The following CTNNA3 variants were observed in gnomAD, a reference collection of about 807,000 sequenced individuals.
CTNNA3 encodes catenin alpha 3.
CTNNA3 carries 76 observed loss-of-function variants against 95.7 expected under a neutral mutation model. The observed-to-expected ratio is 0.79, with a 90% confidence interval of 0.66 to 0.96. The LOEUF (loss-of-function observed/expected upper bound fraction) is 0.96, where lower values mean the gene tolerates loss of function less well. Ranked by LOEUF, CTNNA3 falls within the 40% of genes least tolerant of loss-of-function variation. CTNNA3 has a pLI of 0.00. For missense variants in CTNNA3, 1,191 were observed against 1,089.8 expected (o/e 1.09, Z -1.31); for synonymous variants, 431 against 374.4 (o/e 1.15, Z -1.74).
rs576729428 is a variant in CTNNA3, at chr10:66,791,414, C to A, written c.1048-15890G>T. On this transcript the variant is annotated intron_variant, in intron 7 of 17. Coordinates refer to ENST00000433211, the MANE Select transcript of CTNNA3 (RefSeq NM_013266.4). Reference sequence around the variant, plus strand: ...TCCACAGGGCTCTGGTCATACTGATCCCTCAATTTGGAATTATTTTCCCAT... The same window carrying A: ...TCCACAGGGCTCTGGTCATACTGATACCTCAATTTGGAATTATTTTCCCAT... 8.2e-4 allele frequency among the ~76,000 whole-genome samples: 125 copies of A among 152,272 alleles called. 2 individuals carry two copies. Among genetic ancestry groups the A allele is most frequent in the African/African-American group, 2.9e-3 (121 of 41,566 alleles).
intron 5 of CTNNA3, among the ~76,000 whole-genome samples, chr10:67,379,537 A>G (rs1444179531): frequency 6.6e-6 from 1 of 152,258 alleles, no homozygotes; most frequent in African/African-American, 2.4e-5. Context: ...TCATGCGAAT[A>G]TGAACATCAC....
intron 7 of CTNNA3, among the ~76,000 whole-genome samples, chr10:67,007,686 T>G (rs929512332): frequency 6.6e-6 from 1 of 151,982 alleles, no homozygotes; most frequent in African/African-American, 2.4e-5. Context: ...TTCCCACCAT[T>G]TTAAAATCCA....
At chr10:67,552,470 A>G (rs1841068167) in intron 3 of CTNNA3, among the ~76,000 whole-genome samples, 1 of 148,940 alleles carries the variant, frequency 6.7e-6, no homozygotes, top group Non-Finnish European at 1.5e-5. Context: ...CTCCACCAAG[A>G]TGTGTTTGTC....
intron 13 of CTNNA3, among the ~76,000 whole-genome samples, chr10:66,223,014 A>G (rs1353364474): frequency 6.6e-6 from 1 of 152,088 alleles, no homozygotes; most frequent in African/African-American, 2.4e-5. Context: ...TTGGGTTTCA[A>G]AGTTCACGTG....
chr10:67,508,785 A>G (rs568380178), intron 5 of CTNNA3, among the ~76,000 whole-genome samples: 3 of 152,332 alleles, frequency 2.0e-5, no homozygotes, highest in East Asian at 1.9e-4. Context: ...TTGAAAATCT[A>G]TAAGGAAGTC....
intron 10 of CTNNA3, among the ~76,000 whole-genome samples, chr10:66,547,487 C>T (rs1028999646): frequency 1.7e-4 from 25 of 151,014 alleles, no homozygotes; most frequent in African/African-American, 5.1e-4. Flanking sequence ...GGACTACAGG[C>T]GCCCGCCACC....
chr10:67,249,087 G>A (rs762099010), intron 5 of CTNNA3, among the ~76,000 whole-genome samples: 3 of 152,062 alleles, frequency 2.0e-5, no homozygotes, highest in Non-Finnish European at 2.9e-5. Context: ...AGAAAAGATA[G>A]ATAAATCACA....
At chr10:66,171,786 G>A (rs1355077384) in intron 13 of CTNNA3, among the ~76,000 whole-genome samples, 1 of 151,938 alleles carries the variant, frequency 6.6e-6, no homozygotes, top group Non-Finnish European at 1.5e-5. Context: ...ATGAAGAATG[G>A]CAGACCCTGG....
At chr10:66,784,832 T>C (rs1171667870) in intron 7 of CTNNA3, among the ~76,000 whole-genome samples, 2 of 152,140 alleles carry the variant, frequency 1.3e-5, no homozygotes, top group Non-Finnish European at 2.9e-5. Flanking sequence ...CCCATTCTCC[T>C]CCCTACTTTC....
chr10:66,013,027 A>G (rs1481358555), intron 15 of CTNNA3, among the ~76,000 whole-genome samples: 1 of 152,094 alleles, frequency 6.6e-6, no homozygotes, highest in East Asian at 1.9e-4. Context: ...CAGCCTCCCT[A>G]GTAGCTGGGA....
intron 7 of CTNNA3, among the ~76,000 whole-genome samples, chr10:66,860,099 T>C (rs1843854752): frequency 6.7e-6 from 1 of 148,448 alleles, no homozygotes; most frequent in Admixed American, 6.7e-5. Context: ...CATACCAGCA[T>C]GGCACATGTA....
At chr10:66,734,278 C>A (rs993460927) in intron 9 of CTNNA3, among the ~76,000 whole-genome samples, 1 of 151,870 alleles carries the variant, frequency 6.6e-6, no homozygotes, top group African/African-American at 2.4e-5. Flanking sequence ...CTAAACAACA[C>A]CTTTTAAGTT....
At chr10:66,805,704 CAG>C (rs1407588682) in intron 7 of CTNNA3, among the ~76,000 whole-genome samples, 1 of 151,848 alleles carries the variant, frequency 6.6e-6, no homozygotes, top group African/African-American at 2.4e-5. Flanking sequence ...AGATAACAGT[CAG>C]AAAGTACAAG....
chr10:67,540,446 C>A (rs1483174241), intron 3 of CTNNA3, among the ~76,000 whole-genome samples: 5 of 151,720 alleles, frequency 3.3e-5, no homozygotes, highest in Non-Finnish European at 5.9e-5. Context: ...AAATAATTTA[C>A]CACACTAAAG....
chr10:66,760,726 C>T (rs1333433295), intron 9 of CTNNA3, among the ~76,000 whole-genome samples: 1 of 152,112 alleles, frequency 6.6e-6, no homozygotes, highest in East Asian at 1.9e-4. Context: ...TGGAAAGGAA[C>T]TCACCGTGCA....
At chr10:66,142,326 G>C (rs966570454) in intron 13 of CTNNA3, among the ~76,000 whole-genome samples, 2 of 151,952 alleles carry the variant, frequency 1.3e-5, no homozygotes, top group African/African-American at 4.8e-5. Context: ...TTATTTAGTT[G>C]GGTCTATTTC....
In CTNNA3 at chr10:66,056,523, A is replaced by G. The variant is rs117174504; in HGVS notation, c.2159+12785T>C. ...TGCTGTCTTTTCATCTGGTTTTGGTATTAGGATAATACTAGCCTCATAGAA... is the reference window on the plus strand; with the variant it reads ...TGCTGTCTTTTCATCTGGTTTTGGTGTTAGGATAATACTAGCCTCATAGAA... On this transcript the variant is annotated intron_variant, in intron 15 of 17. Transcript: ENST00000433211. 8.1e-3 allele frequency among the ~76,000 whole-genome samples: 1,237 copies of G among 152,174 alleles called. 10 individuals carry two copies. The highest frequency in any genetic ancestry group is 0.013 in the Non-Finnish European group (899 of 67,988).
At chr10:66,525,413 G>A (rs1401152765) in intron 10 of CTNNA3, among the ~76,000 whole-genome samples, 2 of 152,096 alleles carry the variant, frequency 1.3e-5, no homozygotes, top group African/African-American at 2.4e-5. Flanking sequence ...GGTAGGTGTT[G>A]TCATCTCCAT....
rs1941997 is a variant in CTNNA3 at position 65,915,131 on chromosome 10, C to A, written c.*5199G>T. 3 of 152,076 alleles carry A rather than the reference C, an allele frequency of 2.0e-5. No individual in the cohort carries two copies. The highest frequency in any genetic ancestry group is 2.0e-4 in the Admixed American group (3 of 15,256). 9.4% of individuals were successfully genotyped at this position (152,076 alleles called of 1,614,324 possible). A position where few individuals can be genotyped will look rare whatever the true frequency, so the allele number is the denominator to read the frequency against. On this transcript the variant is annotated 3_prime_UTR_variant, in exon 18 of 18. Coordinates refer to ENST00000433211, the MANE Select transcript of CTNNA3 (RefSeq NM_013266.4). ...TGCCTGGAACATCACAGTTGTTTAA[C>A]AAATAGCTGTTAAATATATGAACGT...
Sources: gnomAD v4.1 joint callset for allele counts (sites outside exome capture counted in the v4.1 genomes callset) on GRCh38, gnomAD v4.1.1 for gene constraint, MANE v1.5 for transcripts, NCBI Gene and HGNC (gene_info 2026-07-23, HGNC 2026-07-21) for gene names.